Variants in FAM81A observed in about 807,000 individuals in gnomAD.
The protein encoded by FAM81A is family with sequence similarity 81 member A.
A neutral mutation model predicts 46.7 loss-of-function variants in FAM81A; 19 were observed. The ratio of observed to expected loss-of-function variants is 0.41; its 90% CI spans 0.28 to 0.60. The LOEUF (loss-of-function observed/expected upper bound fraction) is 0.60, where lower values mean the gene tolerates loss of function less well. FAM81A is among the 20% of genes least tolerant of loss of function. The pLI, the probability that FAM81A is intolerant of heterozygous loss-of-function variation, is 0.34. For missense variants in FAM81A, 377 were observed against 453.5 expected (o/e 0.83, Z 1.53); for synonymous variants, 183 against 152.9 (o/e 1.20, Z -1.45).
chr15:59,500,333 C>T (rs2082078170), intron 4 of FAM81A, among the ~76,000 whole-genome samples: 5 of 152,110 alleles, frequency 3.3e-5, no homozygotes, highest in Non-Finnish European at 1.5e-5. Context: ...GAGTCTTACT[C>T]TTCACCCAGG....
upstream of FAM81A, among the ~76,000 whole-genome samples, chr15:59,436,284 A>G (rs11631469): frequency 0.38 from 57,266 of 151,910 alleles, 12,025 homozygotes; most frequent in East Asian, 0.48. Context: ...AGAAGTAAGA[A>G]GGCACTTCCT....
At chr15:59,459,072 C>G (rs574219426) in intron 2 of FAM81A, among the ~76,000 whole-genome samples, 1 of 152,352 alleles carries the variant, frequency 6.6e-6, no homozygotes, top group Non-Finnish European at 1.5e-5. Context: ...TCACAGCTCA[C>G]TGCAGCCTTG....
At chr15:59,409,136 G>A (rs1251875892) in intron 2 of FAM81A, 1 of 152,198 alleles carries the variant, frequency 6.6e-6, no homozygotes, top group Non-Finnish European at 1.5e-5. Context: ...CGAGGAAGAT[G>A]ATACTCCTAT....
chr15:59,488,352 T>G (rs1017574469), intron 3 of FAM81A, among the ~76,000 whole-genome samples: 1 of 152,046 alleles, frequency 6.6e-6, no homozygotes, highest in Non-Finnish European at 1.5e-5. Flanking sequence ...TTATCTAAGA[T>G]CTGGAACACA....
chr15:59,511,730 C>A (rs565974588), intron 6 of FAM81A, among the ~76,000 whole-genome samples: 7 of 152,208 alleles, frequency 4.6e-5, no homozygotes, highest in Non-Finnish European at 1.0e-4. Flanking sequence ...CGGCTCACTG[C>A]AACCTCCACC....
chr15:59,433,917 G>A (rs1357986887), upstream of FAM81A, among the ~76,000 whole-genome samples: 2 of 152,128 alleles, frequency 1.3e-5, no homozygotes. Context: ...GTACAGTGGC[G>A]CGATCTAGGC....
At chr15:59,443,123 C>A (rs1256580044) in intron 1 of FAM81A, among the ~76,000 whole-genome samples, 3 of 152,170 alleles carry the variant, frequency 2.0e-5, no homozygotes, top group Admixed American at 2.0e-4. Context: ...TGCTCGGTTG[C>A]CCAGGGCGGA....
At chr15:59,401,574 T>C in intron 1 of FAM81A, 1 of 806,626 alleles carries the variant, frequency 1.2e-6, no homozygotes, top group East Asian at 2.4e-5. Flanking sequence ...CATGCCTTCT[T>C]CTTTCTCTTC....
intron 3 of FAM81A, among the ~76,000 whole-genome samples, chr15:59,467,506 GTT>G: frequency 6.6e-6 from 1 of 152,126 alleles, no homozygotes; most frequent in Non-Finnish European, 1.5e-5. Context: ...TTGGCTCTCT[GTT>G]TGTCTGTTAA....
intron 2 of FAM81A, among the ~76,000 whole-genome samples, chr15:59,432,130 C>A (rs2081223142): frequency 6.6e-6 from 1 of 152,128 alleles, no homozygotes; most frequent in Non-Finnish European, 1.5e-5. Flanking sequence ...AACACTGCAT[C>A]ACTCTATATG....
chr15:59,422,585 T>C (rs2081178811), intron 2 of FAM81A, among the ~76,000 whole-genome samples: 1 of 152,108 alleles, frequency 6.6e-6, no homozygotes, highest in Admixed American at 6.6e-5. Flanking sequence ...CATGCCATTC[T>C]CCTGCCTCAG....
At chr15:59,496,659 ACT>A (rs2082037438) in intron 4 of FAM81A, among the ~76,000 whole-genome samples, 1 of 151,874 alleles carries the variant, frequency 6.6e-6, no homozygotes, top group Non-Finnish European at 1.5e-5. Context: ...TTATTTGTAG[ACT>A]CTCAATTCTA....
At chr15:59,505,876 C>T (rs2082143977) in intron 4 of FAM81A, among the ~76,000 whole-genome samples, 1 of 152,140 alleles carries the variant, frequency 6.6e-6, no homozygotes. Context: ...GTCACTAATC[C>T]TCCAGTTTTT....
chr15:59,516,696 C>A lies in FAM81A; in HGVS notation c.838C>A (p.Leu280Ile). The A allele has an allele frequency of 6.2e-7, 1 of 1,613,486 alleles. No individual in the cohort carries two copies. Among genetic ancestry groups the A allele is most frequent in the Non-Finnish European group, 8.5e-7 (1 of 1,179,718 alleles). ...GAAGCTCAGCCAGATGTCAGCCAGG[C>A]TTGACAAAATAGAAGAGGGTCAAAA... The part of the protein sequence containing the change: ...EKKLSQMSAR[L>I]DKIEEGQKKT... Residue 280 changes from leucine (L) to isoleucine (I), a missense_variant, in exon 8 of 9, where the codon CTT becomes ATT. Coordinates refer to ENST00000288228, the MANE Select transcript of FAM81A (RefSeq NM_152450.3).
intron 4 of FAM81A, among the ~76,000 whole-genome samples, chr15:59,500,886 CATTGTT>C (rs1210739627): frequency 6.6e-6 from 1 of 151,946 alleles, no homozygotes; most frequent in Non-Finnish European, 1.5e-5. Flanking sequence ...TTTGAAGAAA[CATTGTT>C]ATTATACATT....
At chr15:59,476,517 G>A (rs1340717803) in intron 3 of FAM81A, among the ~76,000 whole-genome samples, 9 of 152,108 alleles carry the variant, frequency 5.9e-5, no homozygotes, top group Admixed American at 4.6e-4. Context: ...GGTGGCTCAC[G>A]CCTGTAATCC....
At chr15:59,461,274 C>T (rs188008823) in intron 3 of FAM81A, among the ~76,000 whole-genome samples, 30 of 152,176 alleles carry the variant, frequency 2.0e-4, no homozygotes, top group South Asian at 8.3e-4. Context: ...TGAGGTCTTT[C>T]GCATCTGGCT....
At chr15:59,441,507 C>G (rs1469954077) in intron 1 of FAM81A, among the ~76,000 whole-genome samples, 2 of 152,250 alleles carry the variant, frequency 1.3e-5, no homozygotes, top group African/African-American at 4.8e-5. Context: ...TGGGGTAGCA[C>G]TGTTTTTGAC....
At position 59,522,450 on chromosome 15, in the gene FAM81A, A is replaced by T. The variant is rs2082337125; in HGVS notation, c.*1072A>T. ...AAGGTATTAATCATTCAGTATTACT[A>T]ATGGAATAGAAATTCATACTTTTGT... On this transcript the variant is annotated 3_prime_UTR_variant, in exon 9 of 9. Coordinates refer to ENST00000288228, the MANE Select transcript of FAM81A (RefSeq NM_152450.3). The T allele has an allele frequency of 6.6e-6, 1 of 152,586 alleles. No homozygotes were observed. The highest frequency in any genetic ancestry group is 1.5e-5 in the Non-Finnish European group (1 of 68,044). The allele number at this position is 152,586 out of a possible 1,614,324, so 9.5% of individuals were successfully genotyped here. A position where few individuals can be genotyped will look rare whatever the true frequency, so the allele number is the denominator to read the frequency against.
Sources: allele counts gnomAD v4.1 joint callset (sites outside exome capture counted in the v4.1 genomes callset), GRCh38; gene constraint gnomAD v4.1.1; transcripts MANE v1.5; gene names NCBI Gene and HGNC (gene_info 2026-07-23, HGNC 2026-07-21).